Variants in AMBRA1 observed in about 807,000 individuals in gnomAD.
The protein encoded by AMBRA1 is autophagy and beclin 1 regulator 1, also known as activating molecule in BECN1-regulated autophagy protein 1.
In AMBRA1, 47 loss-of-function variants were observed where a neutral mutation model predicts 125.4. The observed-to-expected ratio is 0.37, with a 90% CI of 0.30 to 0.48. AMBRA1 has a LOEUF of 0.48. AMBRA1 is among the 20% of genes least tolerant of loss of function. The pLI is 0.99. For missense variants in AMBRA1, 1,331 were observed against 1,693.4 expected, an observed-to-expected ratio of 0.79 and a Z score of 3.76; for synonymous variants, 626 against 655.5, an observed-to-expected ratio of 0.95 and a Z score of 0.69.
rs74648942 is a variant in AMBRA1, at chr11:46,550,240, A to G, written c.-120-1740T>C. ...GCCTCTCTATACCTTTATTTCCTGT[A>G]AACAGCAGGTTAGGTCTAAAACCTT... On this transcript the variant is annotated intron_variant, in intron 1 of 17. Transcript: ENST00000683756. 2.0e-3 allele frequency among the ~76,000 whole-genome samples: 304 copies of G among 152,340 alleles called. 1 individual carries two copies. Among genetic ancestry groups the G allele is most frequent in the African/African-American group, 6.6e-3 (273 of 41,578 alleles).
chr11:46,554,829 A>G (rs2043116458), intron 1 of AMBRA1, among the ~76,000 whole-genome samples: 1 of 152,218 alleles, frequency 6.6e-6, no homozygotes, highest in Admixed American at 6.5e-5. Context: ...ACTGAGACAA[A>G]GGTTACCAAC....
At chr11:46,508,429 A>G in intron 8 of AMBRA1, 59 bp from the exon 9 acceptor site, 1 of 1,542,770 alleles carries the variant, frequency 6.5e-7, no homozygotes, top group Non-Finnish European at 8.9e-7. Context: ...ATACTATGAA[A>G]GGCAGTTAAT....
intron 11 of AMBRA1, among the ~76,000 whole-genome samples, chr11:46,463,809 C>A (rs1949206136): frequency 1.3e-5 from 2 of 152,112 alleles, no homozygotes; most frequent in South Asian, 4.1e-4. Flanking sequence ...CAAAACAAAG[C>A]CGGGGTGGGC....
At chr11:46,405,173 T>TAGG (rs1244004424) in intron 17 of AMBRA1, among the ~76,000 whole-genome samples, 1 of 152,220 alleles carries the variant, frequency 6.6e-6, no homozygotes, top group African/African-American at 2.4e-5. Context: ...TTCACCTGAC[T>TAGG]CCTATTCATC....
At chr11:46,411,216 G>C (rs1028889550) in intron 15 of AMBRA1, among the ~76,000 whole-genome samples, 2 of 151,874 alleles carry the variant, frequency 1.3e-5, no homozygotes, top group Admixed American at 6.6e-5. Context: ...TTCACCAAAA[G>C]TCAGCTATTT....
chr11:46,559,602 G>A (rs1167391259), intron 1 of AMBRA1, among the ~76,000 whole-genome samples: 1 of 152,116 alleles, frequency 6.6e-6, no homozygotes, highest in East Asian at 1.9e-4. Context: ...TACACCTTTC[G>A]AGCTTGAGAA....
intron 9 of AMBRA1, 87 bp downstream of exon 9, chr11:46,508,104 C>T (rs1951126891): frequency 2.2e-6 from 3 of 1,381,170 alleles, no homozygotes; most frequent in East Asian, 2.3e-5. Flanking sequence ...GCAAGAACAT[C>T]CACCATTGTA....
chr11:46,539,347 C>T (rs997084815), intron 7 of AMBRA1, among the ~76,000 whole-genome samples: 4 of 152,086 alleles, frequency 2.6e-5, no homozygotes, highest in African/African-American at 9.7e-5. Flanking sequence ...CACCTGAGGT[C>T]GGGAGTTTGA....
intron 7 of AMBRA1, among the ~76,000 whole-genome samples, chr11:46,536,105 TC>T (rs1565264631): frequency 1.3e-5 from 2 of 152,232 alleles, no homozygotes; most frequent in Non-Finnish European, 2.9e-5. Flanking sequence ...GGTTTTTTAA[TC>T]TTTTTTACTA....
chr11:46,512,485 GCAC>G (rs1386060588), intron 8 of AMBRA1, among the ~76,000 whole-genome samples: 1 of 152,138 alleles, frequency 6.6e-6, no homozygotes, highest in African/African-American at 2.4e-5. Flanking sequence ...TCCTCCTCTA[GCAC>G]CACACTTGCG....
intron 1 of AMBRA1, among the ~76,000 whole-genome samples, chr11:46,562,262 G>A (rs2043363672): frequency 6.6e-6 from 1 of 152,194 alleles, no homozygotes; most frequent in South Asian, 2.1e-4. Context: ...CAAGTACTAA[G>A]GTCCCTAACA....
chr11:46,568,131 G>C lies in AMBRA1; in HGVS notation c.-120-19631C>G, dbSNP rs555119845. 2.6e-5 allele frequency among the ~76,000 whole-genome samples: 4 copies of C among 151,132 alleles called. No homozygotes were observed. The East Asian group carries it at 5.9e-4, about 22-fold the overall frequency. On this transcript the variant is annotated intron_variant, in intron 1 of 17. Transcript: ENST00000683756. ...CCGCTGCACTCCAGCCTGGGAGACA[G>C]AGTGAGACTCTGTCTTAAAAAAATA... is the stretch of plus-strand genomic sequence containing the variant.
chr11:46,463,640 C>T (rs1160706104), intron 11 of AMBRA1, among the ~76,000 whole-genome samples: 1 of 152,166 alleles, frequency 6.6e-6, no homozygotes, highest in Non-Finnish European at 1.5e-5. Flanking sequence ...TGAGAAGATA[C>T]CCACTCAATC....
At chr11:46,513,345 A>G (rs755634750) in intron 7 of AMBRA1, among the ~76,000 whole-genome samples, 12 of 150,548 alleles carry the variant, frequency 8.0e-5, no homozygotes, top group Admixed American at 5.3e-4. Context: ...ATAAATATAT[A>G]TAAGAGTACT....
intron 1 of AMBRA1, among the ~76,000 whole-genome samples, chr11:46,590,459 A>G (rs2044556869): frequency 6.6e-6 from 1 of 152,102 alleles, no homozygotes; most frequent in African/African-American, 2.4e-5. Context: ...GGGAGACCTC[A>G]TCTCTTCAGG....
chr11:46,423,843 A>C (rs1442423588), intron 14 of AMBRA1, among the ~76,000 whole-genome samples: 4 of 141,968 alleles, frequency 2.8e-5, no homozygotes, highest in Non-Finnish European at 6.0e-5. Flanking sequence ...AGCTCACCAC[A>C]ATCTCTGCCT....
At chr11:46,513,307 A>T (rs1951344861) in intron 7 of AMBRA1, among the ~76,000 whole-genome samples, 1 of 147,380 alleles carries the variant, frequency 6.8e-6, no homozygotes, top group Non-Finnish European at 1.5e-5. Context: ...CTCCTCAGAT[A>T]TATAACTATA....
chr11:46,484,767 C>T (rs951542566), intron 11 of AMBRA1, among the ~76,000 whole-genome samples: 1 of 151,870 alleles, frequency 6.6e-6, no homozygotes, highest in Non-Finnish European at 1.5e-5. Flanking sequence ...CCCTCAGCCT[C>T]CCGAGTAGCT....
intron 7 of AMBRA1, among the ~76,000 whole-genome samples, chr11:46,522,642 C>T (rs1262968928): frequency 6.6e-6 from 1 of 152,154 alleles, no homozygotes; most frequent in Non-Finnish European, 1.5e-5. Flanking sequence ...CTGATTTCCC[C>T]CTGGAATTTA....
Sources: gnomAD v4.1 joint callset for allele counts (sites outside exome capture counted in the v4.1 genomes callset) on GRCh38, gnomAD v4.1.1 for gene constraint, MANE v1.5 for transcripts, NCBI Gene and HGNC (gene_info 2026-07-23, HGNC 2026-07-21) for gene names.